The following VPS50 variants were observed in gnomAD, a reference collection of about 807,000 sequenced individuals.
VPS50 encodes VPS50 subunit of EARP/GARPII complex.
Under a neutral mutation model 139.7 loss-of-function variants are expected in VPS50, and 70 were observed. That is an observed-to-expected ratio of 0.50 (90% CI 0.41 to 0.61). The LOEUF (loss-of-function observed/expected upper bound fraction) is 0.61. Among genes scored for constraint, VPS50 ranks in the 20% least tolerant of loss-of-function variants. The pLI, the probability that VPS50 is intolerant of heterozygous loss-of-function variation, is 0.00. For missense variants in VPS50, 921 were observed against 1,133.7 expected (o/e 0.81, Z 2.69); for synonymous variants, 365 against 376.7 (o/e 0.97, Z 0.36).
At chr7:93,297,572 A>G (rs1796847022) in intron 16 of VPS50, among the ~76,000 whole-genome samples, 1 of 152,146 alleles carries the variant, frequency 6.6e-6, no homozygotes, top group African/African-American at 2.4e-5. Context: ...GGGTGTGCTT[A>G]TAAGGAAGTT....
intron 15 of VPS50, 59 bp from the exon 16 acceptor site, chr7:93,297,086 A>C (rs1213995334): frequency 7.9e-6 from 12 of 1,523,538 alleles, no homozygotes; most frequent in East Asian, 7.6e-5. Flanking sequence ...GAGAAACCAC[A>C]CTTCTTTTTC....
At chr7:93,249,980 T>G (rs531700780) in intron 2 of VPS50, among the ~76,000 whole-genome samples, 1 of 152,168 alleles carries the variant, frequency 6.6e-6, no homozygotes, top group African/African-American at 2.4e-5. Context: ...ATAAACCCCT[T>G]CAGGAATGTA....
intron 27 of VPS50, among the ~76,000 whole-genome samples, chr7:93,357,417 T>C (rs1207857294): frequency 2.6e-5 from 4 of 152,114 alleles, no homozygotes; most frequent in Non-Finnish European, 5.9e-5. Flanking sequence ...CTTCCCACAA[T>C]GATGAGTCCA....
chr7:93,317,052 G>T (rs1453718081), intron 20 of VPS50, among the ~76,000 whole-genome samples: 2 of 152,194 alleles, frequency 1.3e-5, no homozygotes, highest in African/African-American at 4.8e-5. Context: ...AGCAAGATCA[G>T]TCAGTGAAGA....
In VPS50 at chr7:93,360,871, T is replaced by G. The variant is rs1332450219; in HGVS notation, c.*2435T>G. The G allele has an allele frequency of 6.6e-6, 1 of 151,964 alleles. No homozygotes were observed. The highest frequency in any genetic ancestry group is 1.5e-5 in the Non-Finnish European group (1 of 67,952). The allele number at this position is 151,964 out of a possible 1,614,324, so 9.4% of individuals were successfully genotyped here. ...CTTTGGTTTATAAAACCAACAGAGA[T>G]TTTGTAAGTTCACTTTAACTAATAA... On this transcript the variant is annotated 3_prime_UTR_variant, in exon 28 of 28. Transcript: ENST00000305866.
At chr7:93,264,804 C>T (rs955265556) in intron 9 of VPS50, among the ~76,000 whole-genome samples, 2 of 152,094 alleles carry the variant, frequency 1.3e-5, no homozygotes, top group African/African-American at 2.4e-5. Flanking sequence ...ACATAAGGAG[C>T]CCTGCCTTGA....
chr7:93,234,421 C>G (rs1794737602), intron 1 of VPS50, among the ~76,000 whole-genome samples: 1 of 152,122 alleles, frequency 6.6e-6, no homozygotes, highest in South Asian at 2.1e-4. Flanking sequence ...TTAAAGAACA[C>G]ATACAAAAAG....
At chr7:93,355,422 C>T (rs756743693) in intron 26 of VPS50, among the ~76,000 whole-genome samples, 2 of 152,104 alleles carry the variant, frequency 1.3e-5, no homozygotes, top group African/African-American at 2.4e-5. Flanking sequence ...CATGCTTACA[C>T]ATTTCTTTAT....
chr7:93,268,844 CAG>C (rs1795922052), intron 9 of VPS50, among the ~76,000 whole-genome samples: 1 of 152,056 alleles, frequency 6.6e-6, no homozygotes, highest in Non-Finnish European at 1.5e-5. Context: ...ATCTTTATAA[CAG>C]AATGATTTAT....
At chr7:93,254,750 T>C (rs1052579467) in intron 4 of VPS50, among the ~76,000 whole-genome samples, 1 of 152,202 alleles carries the variant, frequency 6.6e-6, no homozygotes, top group African/African-American at 2.4e-5. Flanking sequence ...AATTTCTTTA[T>C]GTTAGGCTAA....
intron 23 of VPS50, among the ~76,000 whole-genome samples, chr7:93,342,549 C>T (rs542910508): frequency 8.5e-5 from 13 of 152,338 alleles, no homozygotes; most frequent in Non-Finnish European, 4.4e-5. Context: ...AAAAAGACAG[C>T]AGTAACCTCT....
intron 25 of VPS50, among the ~76,000 whole-genome samples, chr7:93,351,946 CCTT>C (rs1798573687): frequency 2.0e-5 from 3 of 152,126 alleles, no homozygotes; most frequent in South Asian, 4.1e-4. Context: ...CAGCTTAAGG[CCTT>C]CTTTAAGCAT....
chr7:93,284,673 A>G (rs1796430669), intron 12 of VPS50, among the ~76,000 whole-genome samples: 1 of 152,212 alleles, frequency 6.6e-6, no homozygotes, highest in African/African-American at 2.4e-5. Flanking sequence ...CTAAAAGCAT[A>G]TGCATATTTT....
At chr7:93,331,889 G>C (rs189312088) in intron 21 of VPS50, among the ~76,000 whole-genome samples, 1 of 152,104 alleles carries the variant, frequency 6.6e-6, no homozygotes. Context: ...AACAACCCAC[G>C]TAAAAAATGG....
At chr7:93,267,028 T>A (rs1343908438) in intron 9 of VPS50, among the ~76,000 whole-genome samples, 1 of 152,210 alleles carries the variant, frequency 6.6e-6, no homozygotes, top group Non-Finnish European at 1.5e-5. Context: ...TTACTTACCT[T>A]TAATAACAGC....
intron 27 of VPS50, 156 bp downstream of exon 27, chr7:93,356,236 A>G: frequency 4.9e-6 from 2 of 406,972 alleles, no homozygotes; most frequent in South Asian, 1.3e-4. Context: ...TGCCTTATTC[A>G]GATTAAGGGC....
intron 20 of VPS50, among the ~76,000 whole-genome samples, chr7:93,319,398 A>G (rs559373497): frequency 3.3e-5 from 5 of 151,576 alleles, no homozygotes; most frequent in South Asian, 2.1e-4. Flanking sequence ...TCTCTTCCCT[A>G]TGGTCTAGTT....
intron 21 of VPS50, among the ~76,000 whole-genome samples, chr7:93,330,749 G>C (rs1014555761): frequency 4.9e-5 from 5 of 101,764 alleles, no homozygotes; most frequent in Middle Eastern, 0.011. Flanking sequence ...GCAACAGAGC[G>C]AGACCCTGTC....
At chr7:93,275,960 T>C (rs1379874935) in intron 11 of VPS50, 1 of 519,528 alleles carries the variant, frequency 1.9e-6, no homozygotes, top group Non-Finnish European at 3.4e-6. Flanking sequence ...ACATTTATTT[T>C]GAGTGCTCTG....
Sources: gnomAD v4.1 joint callset for allele counts (sites outside exome capture counted in the v4.1 genomes callset) on GRCh38, gnomAD v4.1.1 for gene constraint, MANE v1.5 for transcripts, NCBI Gene and HGNC (gene_info 2026-07-23, HGNC 2026-07-21) for gene names.